Variants in GNAS-AS1 observed in about 807,000 individuals in gnomAD.
GNAS-AS1 encodes GNAS antisense RNA 1.
chr20:58,829,961 C>G (rs1325600138), intron 4 of GNAS-AS1, among the ~76,000 whole-genome samples: 2 of 152,082 alleles, frequency 1.3e-5, no homozygotes, highest in African/African-American at 4.8e-5. Flanking sequence ...TTGTGCAGAC[C>G]AAACTCTACA....
rs775124978 is a variant in GNAS-AS1, at chr20:58,840,800, G to A, written n.819+1137C>T. 5 of 1,612,414 alleles carry A rather than the reference G, an allele frequency of 3.1e-6. No homozygotes were observed. The highest frequency in any genetic ancestry group is 2.2e-5 in the South Asian group (2 of 91,084). ...GCCCACCCGCCGTGACGCGTCCCCG[G>A]AGTCCCCTTCCAAAAAGGGACCCAT... On this transcript the variant is annotated intron_variant and non_coding_transcript_variant, in intron 4 of 4. Transcript: ENST00000424094. This position sits in a 1 kb window ranked among gnomAD's most constrained non-coding sequence, Gnocchi z 6.0.
chr20:58,826,989 G>C (rs963593215), intron 4 of GNAS-AS1: 25 of 150,676 alleles, frequency 1.7e-4, no homozygotes, highest in African/African-American at 6.1e-4. Flanking sequence ...TGGGATTACA[G>C]GTGTGAGGCA....
At chr20:58,830,461 C>A (rs1430302985) in intron 4 of GNAS-AS1, among the ~76,000 whole-genome samples, 4 of 139,826 alleles carry the variant, frequency 2.9e-5, no homozygotes, top group African/African-American at 1.1e-4. Flanking sequence ...ACCATCACCA[C>A]CACCACACCA....
At chr20:58,850,573 T>C (rs1000111099) in exon 1 of GNAS-AS1, 3 of 398,748 alleles carry the variant, frequency 7.5e-6, no homozygotes, top group African/African-American at 2.1e-5. Context: ...CTCAACTCCT[T>C]ATCCATCCTG....
intron 4 of GNAS-AS1, among the ~76,000 whole-genome samples, chr20:58,831,784 A>G (rs554227736): frequency 6.6e-6 from 1 of 152,358 alleles, no homozygotes; most frequent in East Asian, 1.9e-4. Flanking sequence ...AGCAAAACAA[A>G]ACCCCTAATT....
At chr20:58,839,632 C>T (rs956271320) in intron 4 of GNAS-AS1, 58 of 428,438 alleles carry the variant, frequency 1.4e-4, no homozygotes, top group Middle Eastern at 1.2e-3. Flanking sequence ...GCGCCACAGG[C>T]TCGGCGCCAC....
At chr20:58,848,542 G>C (rs1465596891) in intron 2 of GNAS-AS1, among the ~76,000 whole-genome samples, 1 of 152,200 alleles carries the variant, frequency 6.6e-6, no homozygotes, top group Non-Finnish European at 1.5e-5. Context: ...TATAATGGCA[G>C]ATCCTAAAAA....
intron 4 of GNAS-AS1, among the ~76,000 whole-genome samples, chr20:58,833,119 C>A (rs766163975): frequency 6.6e-6 from 1 of 152,232 alleles, no homozygotes; most frequent in Non-Finnish European, 1.5e-5. Context: ...TGCTTAAAGG[C>A]GAGGATCTCC....
rs188050309 is a variant in GNAS-AS1, at chr20:58,836,762, T to C, written n.819+5175A>G. 3.2e-3 allele frequency among the ~76,000 whole-genome samples: 481 copies of C among 152,320 alleles called. 2 individuals carry two copies. The highest frequency in any genetic ancestry group is 0.011 in the African/African-American group (462 of 41,576). On this transcript the variant is annotated intron_variant and non_coding_transcript_variant, in intron 4 of 4. Transcript: ENST00000424094. ...CCTCGGCACTAAGTGTGAGATGGAA[T>C]GGCATCTCAGTGCAGTCCCCCACTC...
intron 2 of GNAS-AS1, among the ~76,000 whole-genome samples, chr20:58,846,873 T>C (rs1055642195): frequency 3.3e-5 from 5 of 152,362 alleles, no homozygotes; most frequent in African/African-American, 1.2e-4. Flanking sequence ...GCAGAAATTT[T>C]AAGCAGAGCT....
At chr20:58,839,690 C>G (rs955464674) in intron 4 of GNAS-AS1, 6 of 468,172 alleles carry the variant, frequency 1.3e-5, no homozygotes, top group Middle Eastern at 5.4e-4. Flanking sequence ...TGCACATGCC[C>G]GGCAGAAGTC....
Position 58,841,480 on chromosome 20 carries a change from G to T in GNAS-AS1, n.819+457C>A, listed in dbSNP as rs2085725801. On this transcript the variant is annotated intron_variant and non_coding_transcript_variant, in intron 4 of 4. Coordinates refer to ENST00000424094, the Ensembl canonical transcript of GNAS-AS1. The surrounding 1 kb of genome is among the most constrained non-coding windows in gnomAD (Gnocchi z 5.0). ...TAAGCAGCTCAGAGCCGGAGCCCAG[G>T]TCCCAGAGCTGACAATTAAGCCGCG... 1.0e-6 allele frequency: 1 copy of T among 991,010 alleles called. No homozygotes were observed. Among genetic ancestry groups the T allele is most frequent in the Non-Finnish European group, 1.2e-6 (1 of 833,996 alleles). 61.4% of individuals were successfully genotyped at this position (991,010 alleles called of 1,614,324 possible).
At chr20:58,839,981 G>A (rs2085656795) in intron 4 of GNAS-AS1, 1 of 1,002,324 alleles carries the variant, frequency 1.0e-6, no homozygotes, top group Non-Finnish European at 1.5e-6. Flanking sequence ...AGGTGAGGCT[G>A]GGACCTCCGG....
intron 1 of GNAS-AS1, chr20:58,848,992 T>C: frequency 2.5e-6 from 1 of 398,358 alleles, no homozygotes; most frequent in Non-Finnish European, 4.4e-6. Context: ...TTCCTAGTCT[T>C]AATTTATCTT....
intron 4 of GNAS-AS1, among the ~76,000 whole-genome samples, chr20:58,829,533 C>T (rs2085540966): frequency 6.6e-6 from 1 of 152,210 alleles, no homozygotes; most frequent in Admixed American, 6.5e-5. Context: ...TGTTCTCCAG[C>T]TCTGCTGACC....
At chr20:58,831,266 C>T (rs1200519442) in intron 4 of GNAS-AS1, among the ~76,000 whole-genome samples, 1 of 152,172 alleles carries the variant, frequency 6.6e-6, no homozygotes, top group Non-Finnish European at 1.5e-5. Flanking sequence ...CCCGGCCAGA[C>T]CACGCTAATA....
intron 4 of GNAS-AS1, among the ~76,000 whole-genome samples, chr20:58,830,209 C>T (rs892815462): frequency 7.3e-5 from 10 of 137,558 alleles, no homozygotes; most frequent in African/African-American, 2.7e-4. Flanking sequence ...CCATCATCAC[C>T]ACCACCACCA....
chr20:58,841,102 G>T lies in GNAS-AS1; in HGVS notation n.819+835C>A, dbSNP rs2085702150. Among the ~76,000 whole-genome samples the T allele has an allele frequency of 6.6e-6, 1 of 152,046 alleles. No individual in the cohort carries two copies. The highest frequency in any genetic ancestry group is 1.9e-4 in the East Asian group (1 of 5,136). On this transcript the variant is annotated intron_variant and non_coding_transcript_variant, in intron 4 of 4. Transcript: ENST00000424094. The surrounding 1 kb of genome is among the most constrained non-coding windows in gnomAD (Gnocchi z 5.0). ...CTGGTGGCCAAAGGCTTGTTGGACG[G>T]CGGGGCGCACGCCGTGCGTCCCGCT...
rs200012486 is a variant in GNAS-AS1 at position 58,842,277 on chromosome 20, A to AT, written n.527-49dup. 808 of 384,832 alleles carry AT rather than the reference A, an allele frequency of 2.1e-3. 4 individuals carry two copies. Among genetic ancestry groups the AT allele is most frequent in the East Asian group, 0.018 (485 of 27,082 alleles). The allele number at this position is 384,832 out of a possible 1,614,324, so 23.8% of individuals were successfully genotyped here. A position where few individuals can be genotyped will look rare whatever the true frequency, so the allele number is the denominator to read the frequency against. On this transcript the variant is annotated intron_variant and non_coding_transcript_variant, in intron 3 of 4. Coordinates refer to ENST00000424094, the Ensembl canonical transcript of GNAS-AS1. Reference sequence around the variant, plus strand: ...AAAATCTCATCCGACTTGGAAATTGATTTTTTTTTTCCTGGTGTGCGTGTC... The same window carrying AT: ...AAAATCTCATCCGACTTGGAAATTGATTTTTTTTTTTCCTGGTGTGCGTGTC...
Sources: allele counts gnomAD v4.1 joint callset (sites outside exome capture counted in the v4.1 genomes callset), GRCh38; gene constraint gnomAD v4.1.1; non-coding constraint Gnocchi (gnomAD v3.1); transcripts MANE v1.5; gene names NCBI Gene and HGNC (gene_info 2026-07-23, HGNC 2026-07-21).